NCKAP5: variants seen among roughly 807,000 people sequenced by gnomAD.
NCKAP5 encodes NCK associated protein 5.
NCKAP5 carries 92 observed loss-of-function variants against 167.0 expected under a neutral mutation model. That is an observed-to-expected ratio of 0.55 (90% CI 0.47 to 0.66). The LOEUF (loss-of-function observed/expected upper bound fraction) is 0.66, where lower values mean the gene tolerates loss of function less well. Ranked by LOEUF, NCKAP5 falls within the 30% of genes least tolerant of loss-of-function variation. The pLI, the probability that NCKAP5 is intolerant of heterozygous loss-of-function variation, is 0.00. For missense variants in NCKAP5, 2,378 were observed against 2,315.0 expected, an observed-to-expected ratio of 1.03 and a Z score of -0.56; for synonymous variants, 891 against 877.4, an observed-to-expected ratio of 1.02 and a Z score of -0.27.
intron 4 of NCKAP5, among the ~76,000 whole-genome samples, chr2:133,292,928 G>A (rs1679705193): frequency 6.6e-6 from 1 of 152,116 alleles, no homozygotes; most frequent in South Asian, 2.1e-4. Context: ...GTCATCCTCT[G>A]TACTGTTAGA....
chr2:133,112,379 C>A (rs563714168), intron 6 of NCKAP5, among the ~76,000 whole-genome samples: 2 of 151,846 alleles, frequency 1.3e-5, no homozygotes, highest in African/African-American at 4.8e-5. Context: ...GAGGCTGAGG[C>A]GGAAGAATAG....
At chr2:133,137,406 T>G (rs906670463) in intron 5 of NCKAP5, among the ~76,000 whole-genome samples, 23 of 136,302 alleles carry the variant, frequency 1.7e-4, no homozygotes, top group Admixed American at 2.9e-4. Context: ...GAGCTTGGTT[T>G]TGTGTGTGTG....
chr2:133,537,738 C>A (rs1190120117), intron 2 of NCKAP5, among the ~76,000 whole-genome samples: 1 of 151,952 alleles, frequency 6.6e-6, no homozygotes, highest in East Asian at 1.9e-4. Context: ...ATTTTTAAAT[C>A]TTTTTATTAA....
chr2:133,126,701 C>T (rs1238601776), intron 6 of NCKAP5, among the ~76,000 whole-genome samples: 2 of 152,096 alleles, frequency 1.3e-5, no homozygotes, highest in Non-Finnish European at 2.9e-5. Flanking sequence ...ATATTCCTCT[C>T]TTTAAGGAGT....
intron 11 of NCKAP5, among the ~76,000 whole-genome samples, chr2:132,798,278 C>T (rs561816655): frequency 1.4e-4 from 22 of 152,212 alleles, no homozygotes; most frequent in Non-Finnish European, 2.4e-4. Context: ...CTCCGGAACC[C>T]GACAAAATAC....
chr2:133,638,668 G>A, the NCKAP5 span, among the ~76,000 whole-genome samples: 2 of 152,034 alleles, frequency 1.3e-5, no homozygotes, highest in African/African-American at 4.8e-5. Flanking sequence ...GACCAGCTTG[G>A]CCAACATGGT....
intron 11 of NCKAP5, among the ~76,000 whole-genome samples, chr2:132,817,930 T>G (rs1686403038): frequency 6.6e-6 from 1 of 152,196 alleles, no homozygotes; most frequent in African/African-American, 2.4e-5. Flanking sequence ...TTTCTAAAGG[T>G]TAATGTTAAA....
the NCKAP5 span, among the ~76,000 whole-genome samples, chr2:133,660,950 G>C: frequency 1.5e-5 from 2 of 135,286 alleles, no homozygotes; most frequent in Non-Finnish European, 3.0e-5. Context: ...ATATTTACAG[G>C]CTTGCAAAAA....
At position 132,783,660 on chromosome 2, in the gene NCKAP5, G is replaced by A. The variant is rs568273885; in HGVS notation, c.3151C>T (p.Arg1051Cys). 9.0e-5 allele frequency: 146 copies of A among 1,613,804 alleles called. No homozygotes were observed. The highest frequency in any genetic ancestry group is 1.5e-4 in the Admixed American group (9 of 60,006). ...CTTTGTGGGGTCCCAAGTGTTTGGC[G>A]AGGAGAGGTTTTGGGGACACCTCTC... ...PKRGVPKTSP[R>C]QTLGTPQRDI... Residue 1051 changes from arginine to cysteine, a missense_variant, in exon 14 of 20, where the codon CGC becomes TGC. Physicochemically the swap from Arg to Cys is radical, Grantham distance 180. Transcript: ENST00000409261.
At chr2:133,234,544 A>T (rs2087303720) in intron 4 of NCKAP5, among the ~76,000 whole-genome samples, 1 of 152,142 alleles carries the variant, frequency 6.6e-6, no homozygotes, top group East Asian at 1.9e-4. Context: ...TCCAGTACTG[A>T]CCACTGTATG....
intron 4 of NCKAP5, among the ~76,000 whole-genome samples, chr2:133,286,449 C>A (rs1376386323): frequency 2.0e-5 from 3 of 152,162 alleles, no homozygotes; most frequent in African/African-American, 7.2e-5. Context: ...ACACTCTTTG[C>A]CCTTTCCTGA....
At chr2:132,980,016 CAGGGTCTCTGTCG>C (rs2077086874) in intron 7 of NCKAP5, among the ~76,000 whole-genome samples, 1 of 136,922 alleles carries the variant, frequency 7.3e-6, no homozygotes, top group Admixed American at 7.6e-5. Context: ...TTTTTTGAGA[CAGGGTCTCTGTCG>C]CCCAGACTGT....
chr2:133,589,003 G>T, the NCKAP5 span, among the ~76,000 whole-genome samples: 16 of 152,194 alleles, frequency 1.1e-4, no homozygotes, highest in Non-Finnish European at 1.5e-5. Context: ...CATGGCCATT[G>T]CAGACAAGGT....
In NCKAP5 at chr2:133,077,358, G is replaced by T. The variant is rs74536471; in HGVS notation, c.341+52620C>A. Among the ~76,000 whole-genome samples the T allele has an allele frequency of 5.9e-3, 901 of 152,252 alleles. 3 individuals are homozygous for T. Among genetic ancestry groups the T allele is most frequent in the African/African-American group, 0.02 (851 of 41,552 alleles). On this transcript the variant is annotated intron_variant, in intron 6 of 19. Coordinates refer to ENST00000409261, the MANE Select transcript of NCKAP5 (RefSeq NM_207363.3). ...CTTCTAGACCAGAAAAAGAAAAGCA[G>T]AAAGACATGTGTTTTTAAGCTGAGC...
chr2:132,961,593 A>G (rs894573403), intron 8 of NCKAP5, among the ~76,000 whole-genome samples: 1 of 152,210 alleles, frequency 6.6e-6, no homozygotes, highest in African/African-American at 2.4e-5. Flanking sequence ...GCATTCAACT[A>G]ATGCTGGAAT....
rs1266036695 is a variant in NCKAP5 at position 133,036,157 on chromosome 2, A to T, written c.342-41918T>A. Among the ~76,000 whole-genome samples, 378 of 151,990 alleles carry T rather than the reference A, an allele frequency of 2.5e-3. 2 individuals carry two copies. Among genetic ancestry groups the T allele is most frequent in the African/African-American group, 8.1e-3 (336 of 41,548 alleles). ...CGAAACCTGAACAGACCAATAACAA[A>T]TAACAAGATCGATGCCACAATAAAA... On this transcript the variant is annotated intron_variant, in intron 6 of 19. Transcript: ENST00000409261.
chr2:133,365,061 G>T (rs1354333803), intron 3 of NCKAP5, among the ~76,000 whole-genome samples: 2 of 152,010 alleles, frequency 1.3e-5, no homozygotes, highest in African/African-American at 4.8e-5. Context: ...TTTATAATTT[G>T]TTTTAACAGA....
At chr2:133,421,708 G>T (rs1430446713) in intron 3 of NCKAP5, among the ~76,000 whole-genome samples, 2 of 152,208 alleles carry the variant, frequency 1.3e-5, no homozygotes, top group Non-Finnish European at 2.9e-5. Flanking sequence ...AGTGACCTCA[G>T]CTGGGTCATC....
intron 3 of NCKAP5, among the ~76,000 whole-genome samples, chr2:133,329,303 G>A (rs1682670531): frequency 6.6e-6 from 1 of 152,106 alleles, no homozygotes; most frequent in African/African-American, 2.4e-5. Flanking sequence ...CGTGGACAGG[G>A]AGCAAGGGAG....
Sources: gnomAD v4.1 joint callset for allele counts (sites outside exome capture counted in the v4.1 genomes callset) on GRCh38, gnomAD v4.1.1 for gene constraint, MANE v1.5 for transcripts, NCBI Gene and HGNC (gene_info 2026-07-23, HGNC 2026-07-21) for gene names.